PDXDC1: variants seen among roughly 807,000 people sequenced by gnomAD.
PDXDC1 encodes pyridoxal-dependent decarboxylase domain-containing protein 1.
Under a neutral mutation model 100.1 loss-of-function variants are expected in PDXDC1, and 42 were observed. That is an observed-to-expected ratio of 0.42 (90% CI 0.33 to 0.54). PDXDC1 has a LOEUF of 0.54. Among genes scored for constraint, PDXDC1 ranks in the 20% least tolerant of loss-of-function variants. PDXDC1 has a pLI of 0.10. For synonymous variants in PDXDC1, 260 were observed against 371.7 expected (o/e 0.70, Z 3.46); for missense variants, 636 against 979.2 (o/e 0.65, Z 4.68).
intron 1 of PDXDC1, among the ~76,000 whole-genome samples, chr16:14,979,657 A>G (rs1438185160): frequency 3.2e-4 from 48 of 152,264 alleles, no homozygotes; most frequent in Non-Finnish European, 5.9e-5. Flanking sequence ...GACCTAAATC[A>G]GCACAACTCA....
intron 1 of PDXDC1, among the ~76,000 whole-genome samples, chr16:14,980,351 A>G (rs1219429137): frequency 6.6e-5 from 10 of 152,274 alleles, no homozygotes; most frequent in African/African-American, 2.2e-4. Context: ...GCTGGAGTGC[A>G]GTGGTGCGAT....
chr16:15,100,591 C>A (rs765758386), intron 16 of PDXDC1, among the ~76,000 whole-genome samples: 1 of 152,156 alleles, frequency 6.6e-6, no homozygotes, highest in Admixed American at 6.6e-5. Flanking sequence ...ATGACAGTAG[C>A]ACTCCTCTCC....
intron 12 of PDXDC1, among the ~76,000 whole-genome samples, chr16:15,022,426 T>C (rs572979034): frequency 3.7e-3 from 557 of 152,248 alleles, no homozygotes; most frequent in African/African-American, 0.013. Context: ...GTGTTTATAC[T>C]CAGTAGCTTT....
intron 16 of PDXDC1, among the ~76,000 whole-genome samples, chr16:15,102,759 T>A (rs907564982): frequency 1.4e-5 from 2 of 145,780 alleles, no homozygotes; most frequent in African/African-American, 5.3e-5. Flanking sequence ...GAGACCAGCC[T>A]AGGCAACATA....
intron 16 of PDXDC1, chr16:15,131,162 C>T (rs780013916): frequency 3.2e-5 from 51 of 1,590,590 alleles, no homozygotes; most frequent in African/African-American, 4.0e-5. Flanking sequence ...ACCACAGCAC[C>T]GACGGAGGCC....
At chr16:15,135,359 C>G (rs896886676) in intron 16 of PDXDC1, 1 of 1,539,410 alleles carries the variant, frequency 6.5e-7, no homozygotes, top group Non-Finnish European at 8.8e-7. Context: ...AGCCGCCAGC[C>G]GTTCCCGTGG....
At chr16:15,018,421 A>G (rs1270440092) in intron 11 of PDXDC1, among the ~76,000 whole-genome samples, 3 of 152,208 alleles carry the variant, frequency 2.0e-5, no homozygotes, top group African/African-American at 7.2e-5. Context: ...CACAAAAAAT[A>G]ATAATAATAA....
At chr16:14,997,562 G>C (rs1972253203) in intron 1 of PDXDC1, among the ~76,000 whole-genome samples, 191 bp from the exon 2 acceptor site, 1 of 152,262 alleles carries the variant, frequency 6.6e-6, no homozygotes, top group South Asian at 2.1e-4. Flanking sequence ...AAAAACAGCG[G>C]CTTCCTCTAG....
At chr16:15,072,245 C>CAAAAAAAA (rs55852324) in intron 16 of PDXDC1, among the ~76,000 whole-genome samples, 1 of 133,468 alleles carries the variant, frequency 7.5e-6, no homozygotes, top group Admixed American at 7.4e-5. Flanking sequence ...TTTCCCCCAC[C>CAAAAAAAA]AAAAAAAAAA....
At chr16:14,998,668 C>T (rs1204530619) in intron 3 of PDXDC1, among the ~76,000 whole-genome samples, 1 of 152,284 alleles carries the variant, frequency 6.6e-6, no homozygotes, top group African/African-American at 2.4e-5. Context: ...AGGCTGGTTT[C>T]TAACTCCTGA....
chr16:15,003,108 T>C (rs1973506686), intron 4 of PDXDC1, among the ~76,000 whole-genome samples: 1 of 152,166 alleles, frequency 6.6e-6, no homozygotes, highest in Non-Finnish European at 1.5e-5. Context: ...TAAAACATTT[T>C]ATATAATCAA....
chr16:15,096,049 GC>G (rs1187097914), intron 16 of PDXDC1, among the ~76,000 whole-genome samples: 1 of 152,040 alleles, frequency 6.6e-6, no homozygotes, highest in African/African-American at 2.4e-5. Context: ...CTGCACTCCA[GC>G]CTGGACAACA....
chr16:15,140,868 C>T (rs1375138784), downstream of PDXDC1, among the ~76,000 whole-genome samples: 14 of 152,152 alleles, frequency 9.2e-5, no homozygotes, highest in Non-Finnish European at 1.8e-4. Context: ...CACCCCCCTG[C>T]TCCCCAGGAC....
At chr16:15,141,217 C>G (rs1247516023), downstream of PDXDC1, among the ~76,000 whole-genome samples, 1 of 152,228 alleles carries the variant, frequency 6.6e-6, no homozygotes, top group East Asian at 1.9e-4. Flanking sequence ...CAGCAGCCTA[C>G]CCGGCGCAGG....
chr16:15,145,758 G>A, the PDXDC1 span, among the ~76,000 whole-genome samples: 3 of 152,274 alleles, frequency 2.0e-5, no homozygotes, highest in Non-Finnish European at 2.9e-5. Flanking sequence ...ACTCTGCAGG[G>A]AGACTGTGAC....
chr16:15,083,985 G>A (rs2045810127), intron 16 of PDXDC1, among the ~76,000 whole-genome samples: 1 of 152,196 alleles, frequency 6.6e-6, no homozygotes, highest in Admixed American at 6.5e-5. Flanking sequence ...CAAAGTGCTG[G>A]GATTACAGGC....
chr16:15,087,082 A>G (rs531417465), intron 16 of PDXDC1, among the ~76,000 whole-genome samples: 94 of 152,354 alleles, frequency 6.2e-4, no homozygotes, highest in African/African-American at 2.1e-3. Context: ...TATAAAATAC[A>G]GTGTCAATTA....
chr16:15,132,571 A>G, intron 16 of PDXDC1: 2 of 656,118 alleles, frequency 3.0e-6, no homozygotes, highest in South Asian at 3.4e-5. Context: ...GAGGCTACTG[A>G]AGCAGGTCAG....
intron 5 of PDXDC1, among the ~76,000 whole-genome samples, chr16:15,005,736 G>A (rs1228808295): frequency 1.3e-5 from 2 of 152,276 alleles, no homozygotes; most frequent in Non-Finnish European, 1.5e-5. Context: ...GTCTTACTCT[G>A]TCACCCAGGC....
Sources: gnomAD v4.1 joint callset for allele counts (sites outside exome capture counted in the v4.1 genomes callset) on GRCh38, gnomAD v4.1.1 for gene constraint, MANE v1.5 for transcripts, NCBI Gene and HGNC (gene_info 2026-07-23, HGNC 2026-07-21) for gene names.